RNLS: variants seen among roughly 807,000 people sequenced by gnomAD.
The protein encoded by RNLS is renalase, FAD dependent amine oxidase.
Under a neutral mutation model 39.8 loss-of-function variants are expected in RNLS, and 39 were observed. That is an observed-to-expected ratio of 0.98 (90% CI 0.76 to 1.28). RNLS has a LOEUF of 1.28. RNLS is among the 50% of genes most tolerant of loss of function. RNLS has a pLI of 0.00. For synonymous variants in RNLS, 147 were observed against 150.7 expected (o/e 0.98, Z 0.18); for missense variants, 410 against 413.3 (o/e 0.99, Z 0.07).
intron 4 of RNLS, among the ~76,000 whole-genome samples, chr10:88,376,556 G>C (rs1851015445): frequency 6.6e-6 from 1 of 152,122 alleles, no homozygotes; most frequent in South Asian, 2.1e-4. Context: ...AATGTTGTGG[G>C]GAAAGCAGCT....
intron 4 of RNLS, among the ~76,000 whole-genome samples, chr10:88,377,179 C>T (rs1307098656): frequency 6.6e-6 from 1 of 151,832 alleles, no homozygotes; most frequent in African/African-American, 2.4e-5. Context: ...GTGTATTCTC[C>T]ACATCTCTGT....
At chr10:88,343,066 ACCT>A (rs1473120115) in intron 5 of RNLS, among the ~76,000 whole-genome samples, 1 of 152,122 alleles carries the variant, frequency 6.6e-6, no homozygotes, top group Non-Finnish European at 1.5e-5. Context: ...ATCATTCAGG[ACCT>A]TGCCAGCCAT....
the RNLS span, among the ~76,000 whole-genome samples, chr10:88,261,030 A>C: frequency 1.3e-5 from 2 of 152,232 alleles, no homozygotes; most frequent in Non-Finnish European, 2.9e-5. Context: ...AGACTTGAGA[A>C]GAAGGATGGA....
At chr10:88,572,645 A>T (rs781630134) in intron 4 of RNLS, among the ~76,000 whole-genome samples, 3 of 152,238 alleles carry the variant, frequency 2.0e-5, no homozygotes, top group Admixed American at 6.5e-5. Context: ...ATCATTTCAT[A>T]TCCATCAAAA....
chr10:88,201,360 G>A, the RNLS span, among the ~76,000 whole-genome samples: 2 of 152,128 alleles, frequency 1.3e-5, no homozygotes, highest in Non-Finnish European at 2.9e-5. Flanking sequence ...AGAAGAGAGT[G>A]AAAGTGATGC....
chr10:88,289,285 C>T (rs1009161848), intron 6 of RNLS, among the ~76,000 whole-genome samples: 5 of 152,118 alleles, frequency 3.3e-5, no homozygotes, highest in African/African-American at 1.2e-4. Context: ...AAAATCTCAC[C>T]TCGTGCCACT....
intron 6 of RNLS, among the ~76,000 whole-genome samples, chr10:88,285,982 C>T (rs1843238119): frequency 6.6e-6 from 1 of 152,024 alleles, no homozygotes; most frequent in South Asian, 2.1e-4. Flanking sequence ...GAGGACACAG[C>T]CAGAGGTGCC....
chr10:88,340,974 G>A (rs564843958), intron 5 of RNLS, among the ~76,000 whole-genome samples: 85 of 150,432 alleles, frequency 5.7e-4, no homozygotes, highest in African/African-American at 1.9e-3. Flanking sequence ...CAGGAGAATC[G>A]CTTGAACCTG....
chr10:88,418,892 G>A lies in RNLS; in HGVS notation c.527-56167C>T, dbSNP rs139090028. 3.4e-3 allele frequency among the ~76,000 whole-genome samples: 521 copies of A among 152,298 alleles called. 1 individual carries two copies. The highest frequency in any genetic ancestry group is 5.7e-3 in the Admixed American group (87 of 15,294). ...ATAACCTGTTGGTTCCAGGGAAAGAGAGTCCTTTCTGTAAAGGACTGTATA... is the reference window on the plus strand; with the variant it reads ...ATAACCTGTTGGTTCCAGGGAAAGAAAGTCCTTTCTGTAAAGGACTGTATA... On this transcript the variant is annotated intron_variant, in intron 4 of 6. Coordinates refer to ENST00000331772, the MANE Select transcript of RNLS (RefSeq NM_001031709.3).
chr10:88,183,032 C>T, the RNLS span, among the ~76,000 whole-genome samples: 23 of 152,086 alleles, frequency 1.5e-4, no homozygotes, highest in African/African-American at 5.1e-4. Flanking sequence ...CAATAATATT[C>T]ATCTTGCAAA....
intron 4 of RNLS, among the ~76,000 whole-genome samples, chr10:88,434,634 C>T (rs186885210): frequency 6.0e-4 from 92 of 152,102 alleles, no homozygotes; most frequent in South Asian, 2.5e-3. Context: ...GTGGATAAAA[C>T]GAGCCATTGT....
At chr10:88,521,208 T>C (rs1201009090) in intron 4 of RNLS, among the ~76,000 whole-genome samples, 3 of 152,066 alleles carry the variant, frequency 2.0e-5, no homozygotes, top group Non-Finnish European at 4.4e-5. Context: ...TCCTGTAATG[T>C]CTACACCTGC....
intron 4 of RNLS, 110 bp from the exon 5 acceptor site, chr10:88,362,835 T>C: frequency 1.1e-6 from 1 of 872,580 alleles, no homozygotes; most frequent in Non-Finnish European, 1.7e-6. Context: ...ACCAACTCCA[T>C]CTCACTTACA....
the RNLS span, among the ~76,000 whole-genome samples, chr10:88,239,607 G>A: frequency 6.6e-6 from 1 of 152,340 alleles, no homozygotes; most frequent in Non-Finnish European, 1.5e-5. Context: ...GCTGCCCGAT[G>A]CTGCTTTCAG....
the RNLS span, among the ~76,000 whole-genome samples, chr10:88,252,266 AACTATTTAGATTGACCTC>A: frequency 1.2e-3 from 187 of 152,152 alleles, 2 homozygotes; most frequent in Non-Finnish European, 2.4e-3. Context: ...GCATTTGATA[AACTATTTAGATTGACCTC>A]ACTTGTTCTG....
chr10:88,267,296 G>T, the RNLS span, among the ~76,000 whole-genome samples: 3 of 152,172 alleles, frequency 2.0e-5, no homozygotes, highest in Non-Finnish European at 2.9e-5. Context: ...GCAAAAGGAG[G>T]CTGGGCACAG....
chr10:88,396,463 A>G (rs1305423582), intron 4 of RNLS, among the ~76,000 whole-genome samples: 1 of 151,350 alleles, frequency 6.6e-6, no homozygotes, highest in East Asian at 1.9e-4. Context: ...TAATAAAATA[A>G]CTTTAAAAAA....
chr10:88,504,771 T>C lies in RNLS; in HGVS notation c.526+68132A>G, dbSNP rs183426599. On this transcript the variant is annotated intron_variant, in intron 4 of 6. Coordinates refer to ENST00000331772, the MANE Select transcript of RNLS (RefSeq NM_001031709.3). Reference sequence around the variant, plus strand: ...ATTTTCTCAGTAGTTTTGTTATTGTTGGTTGAAGTATTATTGCTGTAATTC... The same window carrying C: ...ATTTTCTCAGTAGTTTTGTTATTGTCGGTTGAAGTATTATTGCTGTAATTC... Among the ~76,000 whole-genome samples the C allele has an allele frequency of 1.4e-3, 211 of 152,084 alleles. 1 individual carries two copies. The highest frequency in any genetic ancestry group is 3.8e-3 in the African/African-American group (159 of 41,496).
the RNLS span, among the ~76,000 whole-genome samples, chr10:88,252,551 C>T: frequency 6.6e-6 from 1 of 152,156 alleles, no homozygotes; most frequent in Admixed American, 6.5e-5. Context: ...CTGCCCAAGT[C>T]TATAACTTTC....
Sources: allele counts gnomAD v4.1 joint callset (sites outside exome capture counted in the v4.1 genomes callset), GRCh38; gene constraint gnomAD v4.1.1; transcripts MANE v1.5; gene names NCBI Gene and HGNC (gene_info 2026-07-23, HGNC 2026-07-21).